The following CCDC3 variants were observed in gnomAD, a reference collection of about 807,000 sequenced individuals.
CCDC3 encodes coiled-coil domain containing 3.
In CCDC3, 24 loss-of-function variants were observed where a neutral mutation model predicts 21.4. The ratio of observed to expected loss-of-function variants is 1.12; its 90% CI spans 0.81 to 1.58. The LOEUF (loss-of-function observed/expected upper bound fraction) is 1.58, where lower values mean the gene tolerates loss of function less well. Among genes scored for constraint, CCDC3 ranks in the 40% most tolerant of loss-of-function variants. CCDC3 has a pLI of 0.00. For synonymous variants in CCDC3, 186 were observed against 166.0 expected (o/e 1.12, Z -0.93); for missense variants, 425 against 360.9 (o/e 1.18, Z -1.44).
intron 5 of CCDC3, among the ~76,000 whole-genome samples, chr10:13,028,365 T>C (rs1217929687): frequency 6.6e-6 from 1 of 151,916 alleles, no homozygotes; most frequent in Non-Finnish European, 1.5e-5. Context: ...GAACTGTGAG[T>C]CCATTAAACC....
At chr10:12,934,801 G>T (rs936191713) in intron 2 of CCDC3, among the ~76,000 whole-genome samples, 6 of 151,360 alleles carry the variant, frequency 4.0e-5, no homozygotes, top group African/African-American at 1.5e-4. Flanking sequence ...GGCTTTCTGC[G>T]TCCCTTTATC....
At chr10:12,904,490 A>AAAAAAAAAAAAAC (rs1176216643) in intron 2 of CCDC3, among the ~76,000 whole-genome samples, 1 of 149,868 alleles carries the variant, frequency 6.7e-6, no homozygotes, top group African/African-American at 2.4e-5. Context: ...AAAAAAAAAA[A>AAAAAAAAAAAAAC]AGACTGGCTC....
At chr10:13,034,799 T>A (rs1232272681) in intron 5 of CCDC3, among the ~76,000 whole-genome samples, 1 of 151,732 alleles carries the variant, frequency 6.6e-6, no homozygotes, top group East Asian at 1.9e-4. Context: ...CCAAAGTGGG[T>A]GGATTGCTTG....
intron 2 of CCDC3, among the ~76,000 whole-genome samples, chr10:12,919,216 G>A (rs1834407857): frequency 2.0e-5 from 3 of 152,164 alleles, no homozygotes; most frequent in Admixed American, 2.0e-4. Context: ...AGAGTGAAAA[G>A]GAAGCTGTGT....
chr10:12,903,227 T>C (rs961844559), intron 2 of CCDC3, among the ~76,000 whole-genome samples: 3 of 152,286 alleles, frequency 2.0e-5, no homozygotes, highest in East Asian at 1.9e-4. Context: ...CGCCATAAAA[T>C]AACCAAGCCA....
chr10:12,986,353 C>T (rs1180514362), intron 2 of CCDC3, among the ~76,000 whole-genome samples: 2 of 152,278 alleles, frequency 1.3e-5, no homozygotes, highest in East Asian at 3.9e-4. Context: ...TGATATTGCA[C>T]TACAGTTATA....
chr10:13,090,271 A>G (rs1832548905), intron 3 of CCDC3, among the ~76,000 whole-genome samples: 1 of 151,476 alleles, frequency 6.6e-6, no homozygotes, highest in South Asian at 2.1e-4. Flanking sequence ...TTTGTATTTT[A>G]GGAGAGACAA....
chr10:13,032,574 T>C (rs11597999), intron 5 of CCDC3, among the ~76,000 whole-genome samples: 6,896 of 152,282 alleles, frequency 0.045, 201 homozygotes, highest in Non-Finnish European at 0.069. Context: ...GATGACATGA[T>C]TGTATATTTA....
intron 2 of CCDC3, among the ~76,000 whole-genome samples, chr10:12,899,645 G>A (rs79175716): frequency 1.3e-5 from 2 of 152,200 alleles, no homozygotes; most frequent in Admixed American, 6.5e-5. Context: ...GTGAATGGTG[G>A]TGTAGCAATG....
chr10:13,053,651 G>T (rs1836641491), intron 4 of CCDC3, among the ~76,000 whole-genome samples: 2 of 152,192 alleles, frequency 1.3e-5, no homozygotes, highest in Admixed American at 6.5e-5. Context: ...TTCTTCAAGT[G>T]AGGAATGTTG....
At chr10:12,980,407 A>C (rs552796714) in intron 2 of CCDC3, among the ~76,000 whole-genome samples, 1 of 152,218 alleles carries the variant, frequency 6.6e-6, no homozygotes, top group South Asian at 2.1e-4. Flanking sequence ...GCTTATTCTA[A>C]CCACAGCCAT....
chr10:13,047,050 G>A (rs1588404614), intron 5 of CCDC3, among the ~76,000 whole-genome samples: 3 of 152,148 alleles, frequency 2.0e-5, no homozygotes, highest in African/African-American at 4.8e-5. Flanking sequence ...AGAGGGTGAG[G>A]GATGTTTTGC....
rs1754031354 is a variant in CCDC3 at position 13,042,805 on chromosome 10, AGGCTGAGGCAGGAGAAT to A, written c.-2+6852_-2+6868del. Among the ~76,000 whole-genome samples, 2 of 148,008 alleles carry A rather than the reference AGGCTGAGGCAGGAGAAT, an allele frequency of 1.4e-5. 1 individual carries two copies. Among genetic ancestry groups the A allele is most frequent in the South Asian group, 4.4e-4 (2 of 4,544 alleles). On this transcript the variant is annotated intron_variant, in intron 5 of 6. Coordinates refer to the CCDC3 transcript ENST00000378839. ...GCGCCTGTAGTCCCAGCTACCCGGG[AGGCTGAGGCAGGAGAAT>A]GGCGCGAACCTGGGAGGTGGAGCTT...
chr10:12,908,119 A>G (rs1834203185), intron 2 of CCDC3, among the ~76,000 whole-genome samples: 1 of 152,244 alleles, frequency 6.6e-6, no homozygotes, highest in Non-Finnish European at 1.5e-5. Flanking sequence ...AAGTTCTACT[A>G]CAGAGATCAT....
chr10:12,934,640 T>G (rs1196720224), intron 2 of CCDC3, among the ~76,000 whole-genome samples: 1 of 152,224 alleles, frequency 6.6e-6, no homozygotes, highest in African/African-American at 2.4e-5. Flanking sequence ...GCTAGGCACA[T>G]AACATTAAGA....
intron 2 of CCDC3, among the ~76,000 whole-genome samples, chr10:12,969,085 A>G (rs1835302751): frequency 6.6e-6 from 1 of 152,234 alleles, no homozygotes; most frequent in African/African-American, 2.4e-5. Flanking sequence ...TATTCAAAAC[A>G]TACAGGGAAC....
chr10:12,909,714 G>C (rs1468311693), intron 2 of CCDC3, among the ~76,000 whole-genome samples: 3 of 152,160 alleles, frequency 2.0e-5, no homozygotes, highest in Non-Finnish European at 4.4e-5. Flanking sequence ...AGGGTACCAG[G>C]TCTCCCAAGG....
chr10:13,092,809 G>C (rs1832587580), intron 3 of CCDC3, among the ~76,000 whole-genome samples: 2 of 152,190 alleles, frequency 1.3e-5, no homozygotes, highest in Admixed American at 6.5e-5. Flanking sequence ...CCAGAAATCT[G>C]TGTTACTGCT....
chr10:13,099,209 A>C lies in CCDC3; in HGVS notation c.-706T>G, dbSNP rs1005665145. Reference sequence around the variant, plus strand: ...CTGCCCTGCTCTTGGGGTTAGCCTCAGGGGCAGGGTTGAGAGTCAGGCTTG... The same window carrying C: ...CTGCCCTGCTCTTGGGGTTAGCCTCCGGGGCAGGGTTGAGAGTCAGGCTTG... On this transcript the variant is annotated 5_prime_UTR_variant, in exon 2 of 7. Transcript: ENST00000378839. 5 of 152,522 alleles carry C rather than the reference A, an allele frequency of 3.3e-5. No homozygotes were observed. The East Asian group carries it at 9.6e-4, about 29-fold the overall frequency. The allele number at this position is 152,522 out of a possible 1,614,324, so 9.4% of individuals were successfully genotyped here.
Sources: allele counts gnomAD v4.1 joint callset (sites outside exome capture counted in the v4.1 genomes callset), GRCh38; gene constraint gnomAD v4.1.1; transcripts MANE v1.5; gene names NCBI Gene and HGNC (gene_info 2026-07-23, HGNC 2026-07-21).